RAB14: variants seen among roughly 807,000 people sequenced by gnomAD.
RAB14 encodes the protein RAB14, member RAS oncogene family.
Under a neutral mutation model 31.1 loss-of-function variants are expected in RAB14, and 3 were observed. The ratio of observed to expected loss-of-function variants is 0.10; its 90% CI spans 0.04 to 0.25. The LOEUF is 0.25. RAB14 is among the 10% of genes least tolerant of loss of function. RAB14 has a pLI of 1.00. For missense variants in RAB14, 111 were observed against 260.1 expected, an observed-to-expected ratio of 0.43 and a Z score of 3.94; for synonymous variants, 85 against 84.9, an observed-to-expected ratio of 1.00 and a Z score of 0.00.
At chr9:121,187,335 A>T (rs1238079218) in intron 4 of RAB14, among the ~76,000 whole-genome samples, 1 of 152,128 alleles carries the variant, frequency 6.6e-6, no homozygotes, top group African/African-American at 2.4e-5. Flanking sequence ...GGAAATGCCA[A>T]TGTGGAGTCA....
intron 2 of RAB14, 35 bp downstream of exon 2, chr9:121,193,326 T>C (rs775770975): frequency 7.1e-7 from 1 of 1,417,816 alleles, no homozygotes; most frequent in South Asian, 1.2e-5. Context: ...GTTAACCTTC[T>C]TTTGGGAACA....
chr9:121,193,516 A>G (rs1022608749), intron 1 of RAB14, 97 bp from the exon 2 acceptor site: 42 of 750,130 alleles, frequency 5.6e-5, no homozygotes, highest in Non-Finnish European at 7.5e-5. Context: ...AAGGACACTG[A>G]ATACAAACAA....
At chr9:121,186,272 G>C (rs977934408) in intron 5 of RAB14, among the ~76,000 whole-genome samples, 1 of 152,136 alleles carries the variant, frequency 6.6e-6, no homozygotes, top group Non-Finnish European at 1.5e-5. Context: ...CTCCAGCACT[G>C]TGCCAGTCCC....
At chr9:121,199,348 G>A (rs909097076) in intron 1 of RAB14, among the ~76,000 whole-genome samples, 3 of 152,158 alleles carry the variant, frequency 2.0e-5, no homozygotes, top group Non-Finnish European at 2.9e-5. Context: ...AGAATAAGAA[G>A]CTTTTTAAAA....
chr9:121,188,932 GA>G (rs1259932060), intron 4 of RAB14, among the ~76,000 whole-genome samples: 1 of 152,022 alleles, frequency 6.6e-6, no homozygotes, highest in Non-Finnish European at 1.5e-5. Context: ...ACCCCAGAGA[GA>G]AACTCTGAAC....
chr9:121,184,580 T>C (rs1399853595), intron 5 of RAB14, among the ~76,000 whole-genome samples: 1 of 152,208 alleles, frequency 6.6e-6, no homozygotes, highest in Non-Finnish European at 1.5e-5. Flanking sequence ...TAAAAGGCAC[T>C]TCAGCCATTA....
intron 1 of RAB14, among the ~76,000 whole-genome samples, chr9:121,196,432 C>T (rs115282331): frequency 0.025 from 3,755 of 152,134 alleles, 76 homozygotes; most frequent in Middle Eastern, 0.044. Flanking sequence ...TGACATATGC[C>T]GGGCAATGTG....
chr9:121,187,589 TC>T (rs1223735482), intron 4 of RAB14, among the ~76,000 whole-genome samples: 3 of 152,002 alleles, frequency 2.0e-5, no homozygotes, highest in Non-Finnish European at 4.4e-5. Context: ...AGAATTCAAG[TC>T]CCCAGATATC....
chr9:121,186,756 G>A (rs1004143678), intron 5 of RAB14, among the ~76,000 whole-genome samples, 197 bp downstream of exon 5: 2 of 151,904 alleles, frequency 1.3e-5, no homozygotes, highest in African/African-American at 4.8e-5. Context: ...AAAAAACCTA[G>A]GTATAATAAA....
chr9:121,191,270 T>C (rs971337644), intron 3 of RAB14, among the ~76,000 whole-genome samples: 3 of 152,106 alleles, frequency 2.0e-5, no homozygotes, highest in Non-Finnish European at 4.4e-5. Flanking sequence ...ACCCTAGGAG[T>C]TGTTAGTCAA....
rs1356073115 is a variant in RAB14, at chr9:121,178,722, GTTA to G, written c.*2671_*2673del. The G allele has an allele frequency of 6.6e-6, 1 of 152,072 alleles. No homozygotes were observed. The highest frequency in any genetic ancestry group is 2.4e-5 in the African/African-American group (1 of 41,378). The allele number at this position is 152,072 out of a possible 1,614,324, so 9.4% of individuals were successfully genotyped here. A position where few individuals can be genotyped will look rare whatever the true frequency, so the allele number is the denominator to read the frequency against. On this transcript the variant is annotated 3_prime_UTR_variant, in exon 8 of 8. Coordinates refer to ENST00000373840, the MANE Select transcript of RAB14 (RefSeq NM_016322.4). Reference sequence around the variant, plus strand: ...AATAATAAGTTACTCCATCAAACACGTTATTATCCATAAAAAAGACTTCAACAT... The same window carrying G: ...AATAATAAGTTACTCCATCAAACACGTTATCCATAAAAAAGACTTCAACAT...
chr9:121,199,510 A>G (rs2053739750), intron 1 of RAB14, among the ~76,000 whole-genome samples: 1 of 152,216 alleles, frequency 6.6e-6, no homozygotes, highest in African/African-American at 2.4e-5. Context: ...ATTTACCTTA[A>G]TCAAGTTTCC....
intron 4 of RAB14, among the ~76,000 whole-genome samples, chr9:121,188,991 C>G (rs939667577): frequency 7.9e-5 from 12 of 152,078 alleles, no homozygotes; most frequent in Admixed American, 2.0e-4. Context: ...CACTTTCTTT[C>G]TCTATAAATT....
intron 1 of RAB14, among the ~76,000 whole-genome samples, chr9:121,200,197 G>C (rs894861416): frequency 2.6e-5 from 4 of 152,080 alleles, no homozygotes; most frequent in Non-Finnish European, 5.9e-5. Context: ...CATACCTCTA[G>C]GCATGATCAA....
At chr9:121,199,318 G>A (rs982947976) in intron 1 of RAB14, among the ~76,000 whole-genome samples, 4 of 152,176 alleles carry the variant, frequency 2.6e-5, no homozygotes, top group African/African-American at 9.7e-5. Context: ...ACCTGATTTT[G>A]TATATATTTA....
At chr9:121,188,405 T>C (rs943777116) in intron 4 of RAB14, among the ~76,000 whole-genome samples, 2 of 151,874 alleles carry the variant, frequency 1.3e-5, no homozygotes, top group African/African-American at 4.8e-5. Context: ...CAAAATCATA[T>C]AAACCATATT....
chr9:121,193,513 C>A lies in RAB14; in HGVS notation c.-7-94G>T. 6 of 790,068 alleles carry A rather than the reference C, an allele frequency of 7.6e-6. No individual in the cohort carries two copies. In the South Asian group the frequency reaches 1.0e-4, roughly 13 times the overall value. 48.9% of individuals were successfully genotyped at this position (790,068 alleles called of 1,614,324 possible). ...TATCCTTTAAAGGTAGAAAAGGACA[C>A]TGAATACAAACAAATGTTGGTTACA... On this transcript the variant is annotated intron_variant, in intron 1 of 7. Transcript: ENST00000373840.
rs3838268 is a variant in RAB14 at position 121,181,744 on chromosome 9, C to CTTTT, written c.471-175_471-172dup. Among the ~76,000 whole-genome samples, 831 of 102,854 alleles carry CTTTT rather than the reference C, an allele frequency of 8.1e-3. 14 individuals carry two copies. Among genetic ancestry groups the CTTTT allele is most frequent in the Non-Finnish European group, 0.012 (608 of 50,430 alleles). The allele number at this position is 102,854 out of a possible 152,430, so 67.5% of individuals were successfully genotyped here. A position where few individuals can be genotyped will look rare whatever the true frequency, so the allele number is the denominator to read the frequency against. On this transcript the variant is annotated intron_variant, in intron 7 of 7. Transcript: ENST00000373840. ...TAAGAGAACATGGAAAACTATTTTC[C>CTTTT]TTTTTTTTTTTTTTTTTTTTTTGAG... is the stretch of plus-strand genomic sequence containing the variant.
intron 1 of RAB14, among the ~76,000 whole-genome samples, chr9:121,196,647 T>C (rs2053718703): frequency 6.6e-6 from 1 of 152,186 alleles, no homozygotes; most frequent in Non-Finnish European, 1.5e-5. Context: ...TCCACCGTCG[T>C]GCCTCCTCCA....
Sources: allele counts gnomAD v4.1 joint callset (sites outside exome capture counted in the v4.1 genomes callset), GRCh38; gene constraint gnomAD v4.1.1; transcripts MANE v1.5; gene names NCBI Gene and HGNC (gene_info 2026-07-23, HGNC 2026-07-21).